RAPGEF2: variants seen among roughly 807,000 people sequenced by gnomAD.
RAPGEF2 encodes Rap guanine nucleotide exchange factor 2, also known as PDZ domain containing guanine nucleotide exchange factor (GEF) 1.
Under a neutral mutation model 186.7 loss-of-function variants are expected in RAPGEF2, and 54 were observed. The observed-to-expected ratio is 0.29, with a 90% CI of 0.23 to 0.36. The LOEUF (loss-of-function observed/expected upper bound fraction) is 0.36, where lower values mean the gene tolerates loss of function less well. Among genes scored for constraint, RAPGEF2 ranks in the 10% least tolerant of loss-of-function variants. The probability of loss-of-function intolerance (pLI) is 1.00; values close to 1 mark genes in which losing one functional copy is unlikely to be tolerated. For missense variants in RAPGEF2, 1,532 were observed against 2,045.0 expected (o/e 0.75, Z 4.84); for synonymous variants, 712 against 705.9 (o/e 1.01, Z -0.14).
intron 1 of RAPGEF2, among the ~76,000 whole-genome samples, chr4:159,127,454 T>C (rs1484912495): frequency 6.6e-6 from 1 of 152,248 alleles, no homozygotes; most frequent in African/African-American, 2.4e-5. Context: ...ACTCATTTAA[T>C]GCCATGTTCC....
intron 1 of RAPGEF2, among the ~76,000 whole-genome samples, chr4:159,104,553 A>AGAGAGAGAGTGT (rs1553991869): frequency 2.9e-5 from 4 of 136,118 alleles, no homozygotes; most frequent in Non-Finnish European, 3.1e-5. Flanking sequence ...AGAGAGAGAG[A>AGAGAGAGAGTGT]GTGTGTGTGT....
intron 4 of RAPGEF2, among the ~76,000 whole-genome samples, chr4:159,212,265 C>G (rs1197994143): frequency 6.6e-6 from 1 of 152,120 alleles, no homozygotes; most frequent in Non-Finnish European, 1.5e-5. Context: ...GACTCAGGAC[C>G]TATTATTTGG....
intron 4 of RAPGEF2, among the ~76,000 whole-genome samples, chr4:159,216,509 T>G (rs1751006337): frequency 6.6e-6 from 1 of 151,900 alleles, no homozygotes; most frequent in South Asian, 2.1e-4. Context: ...AGAGATAGGA[T>G]TCAGCGAGGA....
intron 1 of RAPGEF2, among the ~76,000 whole-genome samples, chr4:159,106,277 G>A (rs1737872487): frequency 6.6e-6 from 1 of 152,184 alleles, no homozygotes; most frequent in South Asian, 2.1e-4. Context: ...TAACTTTGAT[G>A]TTCGTTTGGT....
chr4:159,294,028 G>A (rs1356777794), intron 7 of RAPGEF2, among the ~76,000 whole-genome samples: 1 of 152,220 alleles, frequency 6.6e-6, no homozygotes, highest in Non-Finnish European at 1.5e-5. Context: ...CACCCAGCAA[G>A]AGAGCACTGG....
At chr4:159,153,544 G>A (rs960097186) in intron 1 of RAPGEF2, among the ~76,000 whole-genome samples, 3 of 152,132 alleles carry the variant, frequency 2.0e-5, no homozygotes, top group East Asian at 1.9e-4. Flanking sequence ...TTAGAGGTCC[G>A]TCTTGGTAGT....
intron 13 of RAPGEF2, 135 bp downstream of exon 13, chr4:159,330,633 A>G: frequency 1.6e-6 from 1 of 607,494 alleles, no homozygotes; most frequent in Non-Finnish European, 2.7e-6. Flanking sequence ...AAGCAAAAAA[A>G]AACAAAAAAA....
intron 8 of RAPGEF2, among the ~76,000 whole-genome samples, chr4:159,314,073 G>T (rs571281714): frequency 2.0e-5 from 3 of 152,272 alleles, no homozygotes; most frequent in East Asian, 3.9e-4. Flanking sequence ...TTTAACAGTG[G>T]TCATTGGGAT....
intron 20 of RAPGEF2, 47 bp from the exon 21 acceptor site, chr4:159,342,932 A>T: frequency 6.7e-7 from 1 of 1,498,978 alleles, no homozygotes; most frequent in South Asian, 1.2e-5. Flanking sequence ...TAATCTGTAC[A>T]CTATTTTACT....
chr4:159,358,444 C>G lies in RAPGEF2; in HGVS notation c.*305C>G, dbSNP rs1411520154. 2 of 353,552 alleles carry G rather than the reference C, an allele frequency of 5.7e-6. No individual in the cohort carries two copies. The highest frequency in any genetic ancestry group is 2.1e-5 in the African/African-American group (1 of 47,844). The allele number at this position is 353,552 out of a possible 1,614,324, so 21.9% of individuals were successfully genotyped here. A position where few individuals can be genotyped will look rare whatever the true frequency, so the allele number is the denominator to read the frequency against. ...ACAGTATCATTCCAAATTCCAAGATCATCACAACAAGATGATTCACTCTGG... is the reference window on the plus strand; with the variant it reads ...ACAGTATCATTCCAAATTCCAAGATGATCACAACAAGATGATTCACTCTGG... On this transcript the variant is annotated 3_prime_UTR_variant, in exon 30 of 30. Transcript: ENST00000691494.
chr4:159,105,466 T>A (rs76623482), intron 1 of RAPGEF2, among the ~76,000 whole-genome samples: 1,582 of 152,302 alleles, frequency 0.01, 28 homozygotes, highest in African/African-American at 0.035. Context: ...CGTTTTTGAT[T>A]TTTCATTTTC....
intron 1 of RAPGEF2, 113 bp downstream of exon 1, chr4:159,104,344 T>A: frequency 2.2e-6 from 1 of 451,288 alleles, no homozygotes; most frequent in East Asian, 4.9e-5. Context: ...CCCCACTTCT[T>A]GCATCAGGAC....
chr4:159,247,170 C>T (rs1754734530), intron 7 of RAPGEF2, among the ~76,000 whole-genome samples: 1 of 152,084 alleles, frequency 6.6e-6, no homozygotes, highest in Non-Finnish European at 1.5e-5. Context: ...TTTCTTGTAT[C>T]ATAGAAAAGC....
At chr4:159,213,211 A>G (rs1407461504) in intron 4 of RAPGEF2, among the ~76,000 whole-genome samples, 1 of 152,152 alleles carries the variant, frequency 6.6e-6, no homozygotes. Context: ...TAGGACTGAG[A>G]TTGTTTTAAT....
intron 1 of RAPGEF2, among the ~76,000 whole-genome samples, chr4:159,183,877 G>A (rs1320268049): frequency 2.0e-5 from 3 of 152,054 alleles, no homozygotes; most frequent in African/African-American, 7.3e-5. Context: ...ATCTCCTAAT[G>A]CTATCCCTCC....
intron 1 of RAPGEF2, among the ~76,000 whole-genome samples, chr4:159,107,043 ATT>A (rs1270568436): frequency 1.3e-5 from 2 of 152,178 alleles, no homozygotes; most frequent in African/African-American, 2.4e-5. Flanking sequence ...GACTATCACT[ATT>A]TCACCTGATA....
At chr4:159,210,363 T>G (rs1486294788) in intron 3 of RAPGEF2, 137 bp from the exon 4 acceptor site, 1 of 546,430 alleles carries the variant, frequency 1.8e-6, no homozygotes, top group African/African-American at 1.9e-5. Context: ...TGAATAATGG[T>G]ATTTTTATGA....
At chr4:159,316,147 A>G (rs1386793621) in intron 9 of RAPGEF2, among the ~76,000 whole-genome samples, 1 of 152,146 alleles carries the variant, frequency 6.6e-6, no homozygotes, top group African/African-American at 2.4e-5. Flanking sequence ...TCTGGGCGTA[A>G]CAGAAGGCTC....
chr4:159,157,439 A>G (rs1447978855), intron 1 of RAPGEF2, among the ~76,000 whole-genome samples: 3 of 152,200 alleles, frequency 2.0e-5, no homozygotes, highest in Admixed American at 6.5e-5. Flanking sequence ...AATACTCCCA[A>G]ATTATGTGCT....
Sources: gnomAD v4.1 joint callset for allele counts (sites outside exome capture counted in the v4.1 genomes callset) on GRCh38, gnomAD v4.1.1 for gene constraint, MANE v1.5 for transcripts, NCBI Gene and HGNC (gene_info 2026-07-23, HGNC 2026-07-21) for gene names.